Variants in ROR2 observed in about 807,000 individuals in gnomAD.
ROR2 encodes tyrosine-protein kinase transmembrane receptor ROR2.
Under a neutral mutation model 74.9 loss-of-function variants are expected in ROR2, and 33 were observed. The ratio of observed to expected loss-of-function variants is 0.44; its 90% CI spans 0.33 to 0.59. The LOEUF (loss-of-function observed/expected upper bound fraction) is 0.59. ROR2 is among the 20% of genes least tolerant of loss of function. ROR2 has a pLI of 0.02. For missense variants in ROR2, 1,216 were observed against 1,313.8 expected (o/e 0.93, Z 1.15); for synonymous variants, 586 against 558.7 (o/e 1.05, Z -0.69).
intron 1 of ROR2, among the ~76,000 whole-genome samples, chr9:91,844,444 G>A (rs1459869878): frequency 6.6e-6 from 1 of 152,108 alleles, no homozygotes; most frequent in Non-Finnish European, 1.5e-5. Context: ...GCCACTTGCT[G>A]TCACGCAGGC....
intron 1 of ROR2, among the ~76,000 whole-genome samples, chr9:91,909,205 T>G (rs886207174): frequency 1.3e-5 from 2 of 152,206 alleles, no homozygotes; most frequent in Non-Finnish European, 2.9e-5. Context: ...TCACCCAGGG[T>G]AACAAGAGTC....
intron 1 of ROR2, among the ~76,000 whole-genome samples, chr9:91,838,651 G>A (rs556938740): frequency 1.3e-4 from 20 of 152,228 alleles, no homozygotes; most frequent in African/African-American, 2.2e-4. Context: ...TGGCTGTCTC[G>A]GCCCCTTGGG....
intron 1 of ROR2, among the ~76,000 whole-genome samples, chr9:91,791,172 G>A (rs765557304): frequency 3.9e-5 from 6 of 152,150 alleles, no homozygotes; most frequent in Non-Finnish European, 5.9e-5. Flanking sequence ...AGCTCCATTC[G>A]TGGTAAGTGC....
chr9:91,927,747 A>G (rs1831447713), intron 1 of ROR2, among the ~76,000 whole-genome samples: 1 of 151,818 alleles, frequency 6.6e-6, no homozygotes, highest in African/African-American at 2.4e-5. Flanking sequence ...GTATTTTAGT[A>G]GAGACGGGGT....
intron 1 of ROR2, among the ~76,000 whole-genome samples, chr9:91,845,877 CAAAAAAA>C (rs5899143): frequency 0.14 from 4,526 of 33,242 alleles, 142 homozygotes; most frequent in African/African-American, 0.21. Flanking sequence ...GAATCCATCT[CAAAAAAA>C]AAAAAAAAAA....
intron 1 of ROR2, among the ~76,000 whole-genome samples, chr9:91,820,523 G>A (rs139977789): frequency 1.4e-3 from 207 of 152,244 alleles, no homozygotes; most frequent in South Asian, 4.4e-3. Flanking sequence ...CAGGAGCCAC[G>A]GCAGGCAATC....
chr9:91,881,905 G>A (rs1198059776), intron 1 of ROR2, among the ~76,000 whole-genome samples: 1 of 152,186 alleles, frequency 6.6e-6, no homozygotes, highest in East Asian at 1.9e-4. Flanking sequence ...TTCTACTAAA[G>A]GAGTAGGAGG....
chr9:91,926,908 A>G (rs1431115216), intron 1 of ROR2, among the ~76,000 whole-genome samples: 1 of 152,110 alleles, frequency 6.6e-6, no homozygotes, highest in African/African-American at 2.4e-5. Flanking sequence ...AGTTTTGGAG[A>G]TGGATGGTAG....
intron 1 of ROR2, among the ~76,000 whole-genome samples, chr9:91,892,781 G>A (rs982382190): frequency 6.6e-6 from 1 of 151,520 alleles, no homozygotes; most frequent in African/African-American, 2.4e-5. Context: ...TAGTAGAGAC[G>A]GGGTTTCACC....
intron 1 of ROR2, among the ~76,000 whole-genome samples, chr9:91,841,018 A>G (rs1828767690): frequency 6.6e-6 from 1 of 152,366 alleles, no homozygotes; most frequent in African/African-American, 2.4e-5. Flanking sequence ...CTTATATGTA[A>G]TACAGCAGAG....
At chr9:91,736,494 G>A (rs1239699838) in intron 5 of ROR2, among the ~76,000 whole-genome samples, 1 of 152,208 alleles carries the variant, frequency 6.6e-6, no homozygotes, top group Non-Finnish European at 1.5e-5. Context: ...CTGCAGCAGA[G>A]CCTCCCGCTC....
At chr9:91,753,640 G>T (rs2118827341) in intron 4 of ROR2, among the ~76,000 whole-genome samples, 1 of 152,274 alleles carries the variant, frequency 6.6e-6, no homozygotes, top group South Asian at 2.1e-4. Context: ...CGAGTGGCTG[G>T]GATGAGGCTT....
At chr9:91,942,086 G>A (rs1369908182) in intron 1 of ROR2, among the ~76,000 whole-genome samples, 1 of 152,104 alleles carries the variant, frequency 6.6e-6, no homozygotes, top group Non-Finnish European at 1.5e-5. Flanking sequence ...ACCACACCAG[G>A]CCCCTGTGGT....
chr9:91,886,178 G>A (rs1830265965), intron 1 of ROR2, among the ~76,000 whole-genome samples: 1 of 152,046 alleles, frequency 6.6e-6, no homozygotes, highest in African/African-American at 2.4e-5. Flanking sequence ...CCCCGGCCAT[G>A]GTTACTTTTT....
chr9:91,843,359 G>T (rs73651574), intron 1 of ROR2, among the ~76,000 whole-genome samples: 19,045 of 152,260 alleles, frequency 0.13, 2,697 homozygotes, highest in African/African-American at 0.35. Context: ...CAGGTCAGGT[G>T]CATGACCAGG....
In ROR2 at chr9:91,823,185, A is replaced by G. The variant is rs536605827; in HGVS notation, c.98-47367T>C. Among the ~76,000 whole-genome samples the G allele has an allele frequency of 3.3e-5, 5 of 152,286 alleles. No homozygotes were observed. The East Asian group carries it at 9.7e-4, about 29-fold the overall frequency. ...GTGAATATCAAGTAACCATTAGACG[A>G]TATCATGGGACTGCTGTTAATTTTG... is the stretch of plus-strand genomic sequence containing the variant. On this transcript the variant is annotated intron_variant, in intron 1 of 8. Coordinates refer to ENST00000375708, the MANE Select transcript of ROR2 (RefSeq NM_004560.4).
chr9:91,829,184 A>G (rs1828382947), intron 1 of ROR2, among the ~76,000 whole-genome samples: 1 of 152,238 alleles, frequency 6.6e-6, no homozygotes, highest in African/African-American at 2.4e-5. Flanking sequence ...GTGCAGCCAG[A>G]GTGAGACATA....
intron 1 of ROR2, among the ~76,000 whole-genome samples, chr9:91,843,815 T>C (rs564161376): frequency 5.9e-5 from 9 of 152,388 alleles, no homozygotes; most frequent in Admixed American, 3.3e-4. Context: ...CATTGAGGAA[T>C]GAGTGACCTC....
chr9:91,753,337 T>C (rs1360344218), intron 4 of ROR2, among the ~76,000 whole-genome samples: 1 of 152,202 alleles, frequency 6.6e-6, no homozygotes, highest in Admixed American at 6.5e-5. Flanking sequence ...AAGCAATGTG[T>C]GTCCACATGC....
Sources: allele counts gnomAD v4.1 joint callset (sites outside exome capture counted in the v4.1 genomes callset), GRCh38; gene constraint gnomAD v4.1.1; transcripts MANE v1.5; gene names NCBI Gene and HGNC (gene_info 2026-07-23, HGNC 2026-07-21).